Variants in DPYD observed in about 807,000 individuals in gnomAD.
DPYD encodes dihydropyrimidine dehydrogenase [NADP(+)].
DPYD carries 109 observed loss-of-function variants against 116.2 expected under a neutral mutation model. The observed-to-expected ratio is 0.94, with a 90% CI of 0.80 to 1.10. The LOEUF is 1.10. Ranked by LOEUF, DPYD falls within the 50% of genes least tolerant of loss-of-function variation. DPYD has a pLI of 0.00. For missense variants in DPYD, 1,302 were observed against 1,254.5 expected (o/e 1.04, Z -0.57); for synonymous variants, 440 against 432.0 (o/e 1.02, Z -0.23).
In DPYD at chr1:97,514,251, T is replaced by C. The variant is rs747074075; in HGVS notation, c.1740+1475A>G. ...TGAAAGACACAGCATCACAAATCAA[T>C]GCATGTCACCAACAGTGTAAAGACT... On this transcript the variant is annotated intron_variant, in intron 13 of 22. Coordinates refer to ENST00000370192, the MANE Select transcript of DPYD (RefSeq NM_000110.4). The C allele has an allele frequency of 1.1e-3, 1,126 of 984,748 alleles. 3 individuals are homozygous for C. The highest frequency in any genetic ancestry group is 1.3e-3 in the Non-Finnish European group (1,097 of 829,560). 61.0% of individuals were successfully genotyped at this position (984,748 alleles called of 1,614,324 possible). A position where few individuals can be genotyped will look rare whatever the true frequency, so the allele number is the denominator to read the frequency against.
chr1:97,306,087 T>A (rs994241385), intron 17 of DPYD, 90 bp downstream of exon 17: 94 of 1,594,470 alleles, frequency 5.9e-5, no homozygotes, highest in African/African-American at 8.1e-5. Flanking sequence ...AATATGCACA[T>A]GTTTGTAGGA....
At chr1:97,171,744 T>C (rs1656737471) in intron 20 of DPYD, among the ~76,000 whole-genome samples, 1 of 152,232 alleles carries the variant, frequency 6.6e-6, no homozygotes, top group African/African-American at 2.4e-5. Context: ...ATTATCATGA[T>C]TATCAATTCT....
intron 18 of DPYD, among the ~76,000 whole-genome samples, chr1:97,240,126 C>T (rs543031944): frequency 5.3e-5 from 8 of 152,114 alleles, no homozygotes; most frequent in Middle Eastern, 3.4e-3. Context: ...TACATGTCCC[C>T]TCCTTTTTCT....
At chr1:97,569,833 T>C (rs1167585073) in intron 11 of DPYD, among the ~76,000 whole-genome samples, 1 of 152,022 alleles carries the variant, frequency 6.6e-6, no homozygotes, top group Non-Finnish European at 1.5e-5. Context: ...TCCATGCACA[T>C]GGATATGGAA....
intron 12 of DPYD, among the ~76,000 whole-genome samples, chr1:97,541,337 T>C (rs1417697655): frequency 6.6e-6 from 1 of 152,192 alleles, no homozygotes; most frequent in African/African-American, 2.4e-5. Flanking sequence ...AAGGATATGA[T>C]AAAAATGAGT....
rs67376798 is a variant in DPYD at position 97,082,391 on chromosome 1, T to A, written c.2846A>T (p.Asp949Val). The A allele has an allele frequency of 5.0e-3, 8,139 of 1,613,660 alleles. 32 individuals are homozygous for A. The highest frequency in any genetic ancestry group is 6.4e-3 in the Non-Finnish European group (7,583 of 1,179,644). ...ACCACAGTTGATACACATTTCTTCA[T>A]CAATCATAGCCACAACTTGCTCTAC... ...SNVEQVVAMI[D>V]EEMCINCGKC... The change falls in exon 22 of 23, where the codon GAT becomes GTT. Residue 949 changes from aspartate (D) to valine (V), a missense_variant. Transcript: ENST00000370192.
intron 1 of DPYD, among the ~76,000 whole-genome samples, chr1:97,918,073 T>G (rs188359215): frequency 6.6e-6 from 1 of 152,148 alleles, no homozygotes; most frequent in African/African-American, 2.4e-5. Context: ...TCAGACTGTA[T>G]CCAAACAGTA....
chr1:97,681,297 G>C (rs1660414578), intron 7 of DPYD, among the ~76,000 whole-genome samples: 1 of 152,212 alleles, frequency 6.6e-6, no homozygotes, highest in African/African-American at 2.4e-5. Flanking sequence ...CAAGGACAAA[G>C]AACAGCATAT....
intron 16 of DPYD, among the ~76,000 whole-genome samples, chr1:97,317,731 G>C (rs1242584944): frequency 6.6e-6 from 1 of 151,872 alleles, no homozygotes; most frequent in Non-Finnish European, 1.5e-5. Flanking sequence ...TTCTGCCCTG[G>C]AGCACCCACC....
At chr1:97,493,100 GT>G (rs1044571063) in intron 13 of DPYD, among the ~76,000 whole-genome samples, 2 of 152,116 alleles carry the variant, frequency 1.3e-5, no homozygotes, top group African/African-American at 4.8e-5. Flanking sequence ...TCATTTCAGT[GT>G]TTCTAAAAAA....
intron 2 of DPYD, among the ~76,000 whole-genome samples, chr1:97,838,668 A>T (rs1669892384): frequency 6.6e-6 from 1 of 151,012 alleles, no homozygotes; most frequent in Admixed American, 6.6e-5. Context: ...ACAAGGTGAA[A>T]CCCCGTCTCT....
intron 2 of DPYD, among the ~76,000 whole-genome samples, chr1:97,845,697 G>C (rs1670262568): frequency 6.6e-6 from 1 of 152,216 alleles, no homozygotes; most frequent in Admixed American, 6.5e-5. Flanking sequence ...CTGCTCGCCA[G>C]GTTGTGGGAG....
At chr1:97,823,909 A>C (rs1355581178) in intron 3 of DPYD, among the ~76,000 whole-genome samples, 1 of 147,950 alleles carries the variant, frequency 6.8e-6, no homozygotes, top group South Asian at 2.1e-4. Flanking sequence ...AAAAACAAAC[A>C]AGTAAACAAA....
intron 8 of DPYD, among the ~76,000 whole-genome samples, chr1:97,673,272 G>A (rs1659967824): frequency 6.6e-6 from 1 of 151,972 alleles, no homozygotes; most frequent in South Asian, 2.1e-4. Flanking sequence ...GTTAAGAATT[G>A]AGCCTGGAAT....
In DPYD at chr1:97,243,113, C is replaced by A. The variant is rs535105423; in HGVS notation, c.2300-8119G>T. On this transcript the variant is annotated intron_variant, in intron 18 of 22. Coordinates refer to ENST00000370192, the MANE Select transcript of DPYD (RefSeq NM_000110.4). ...TTGATGGCTACTTGACAGCAAGATG[C>A]AACAGAAAGACTTCTCTGTACTACA... 6.6e-5 allele frequency among the ~76,000 whole-genome samples: 10 copies of A among 151,952 alleles called. No homozygotes were observed. The East Asian group carries it at 7.7e-4, about 12-fold the overall frequency.
In DPYD at chr1:97,385,380, CT is replaced by C. The variant is rs1219388306; in HGVS notation, c.1906-2920del. ...AATCAACTGGGGAATGGGCAGAGCC[CT>C]GAGGCTTATTGCTAGAACTTCAAGG... On this transcript the variant is annotated intron_variant, in intron 14 of 22. Transcript: ENST00000370192. Among the ~76,000 whole-genome samples the C allele has an allele frequency of 2.7e-5, 4 of 146,310 alleles. No homozygotes were observed. In the Admixed American group the frequency reaches 2.8e-4, roughly 10 times the overall value.
intron 16 of DPYD, among the ~76,000 whole-genome samples, chr1:97,370,271 A>G (rs562824202): frequency 6.6e-6 from 1 of 152,302 alleles, no homozygotes; most frequent in South Asian, 2.1e-4. Flanking sequence ...TTTCAGGGAC[A>G]TGGATGAAGC....
chr1:97,249,268 T>C (rs972731341), intron 18 of DPYD, among the ~76,000 whole-genome samples: 50 of 152,218 alleles, frequency 3.3e-4, no homozygotes, highest in South Asian at 1.2e-3. Flanking sequence ...AGTCCTGATA[T>C]AGTCCCACAG....
chr1:97,144,918 T>A (rs183225301), intron 20 of DPYD, among the ~76,000 whole-genome samples: 1 of 152,294 alleles, frequency 6.6e-6, no homozygotes, highest in East Asian at 1.9e-4. Context: ...TAAAACAGTA[T>A]ACCTTTCAAC....
Sources: allele counts gnomAD v4.1 joint callset (sites outside exome capture counted in the v4.1 genomes callset), GRCh38; gene constraint gnomAD v4.1.1; transcripts MANE v1.5; gene names NCBI Gene and HGNC (gene_info 2026-07-23, HGNC 2026-07-21).